Variants in PCDHGA8 observed in about 807,000 individuals in gnomAD.
PCDHGA8 encodes protocadherin gamma-A8.
PCDHGA8 carries 45 observed loss-of-function variants against 59.2 expected under a neutral mutation model. That is an observed-to-expected ratio of 0.76 (90% CI 0.60 to 0.98). PCDHGA8 has a LOEUF of 0.98. PCDHGA8 is among the 50% of genes least tolerant of loss of function. PCDHGA8 has a pLI of 0.00. For synonymous variants in PCDHGA8, 531 were observed against 519.0 expected (o/e 1.02, Z -0.32); for missense variants, 1,257 against 1,196.2 (o/e 1.05, Z -0.75).
At chr5:141,481,822 G>A (rs1017311512) in intron 1 of PCDHGA8, among the ~76,000 whole-genome samples, 12 of 151,620 alleles carry the variant, frequency 7.9e-5, no homozygotes, top group Non-Finnish European at 1.5e-4. Context: ...CGTGGTGGCT[G>A]AGGCAGGAGA....
In PCDHGA8 at chr5:141,432,598, G is replaced by A; in HGVS notation, c.2424+37361G>A. The A allele has an allele frequency of 6.2e-7, 1 of 1,613,920 alleles. No individual in the cohort carries two copies. The highest frequency in any genetic ancestry group is 8.5e-7 in the Non-Finnish European group (1 of 1,179,972). On this transcript the variant is annotated intron_variant, in intron 1 of 3. Transcript: ENST00000398604. The surrounding 1 kb of genome is among the most constrained non-coding windows in gnomAD (Gnocchi z 6.0). ...CCTACCGTCTGCTCAAGGCCAGCGA[G>A]CCGGGACTCTTCTCGGTGGGTCTGC...
chr5:141,454,998 G>C (rs909142112), intron 1 of PCDHGA8, among the ~76,000 whole-genome samples: 27 of 151,220 alleles, frequency 1.8e-4, no homozygotes, highest in African/African-American at 5.8e-4. Context: ...ATTTTTAGTA[G>C]AGACGGGGTT....
chr5:141,477,932 C>G lies in PCDHGA8; in HGVS notation c.2425-16875C>G, dbSNP rs1193822505. The G allele has an allele frequency of 3.1e-6, 5 of 1,614,040 alleles. No individual in the cohort carries two copies. The highest frequency in any genetic ancestry group is 4.2e-6 in the Non-Finnish European group (5 of 1,180,042). On this transcript the variant is annotated intron_variant, in intron 1 of 3. Transcript: ENST00000398604. This position sits in a 1 kb window ranked among gnomAD's most constrained non-coding sequence, Gnocchi z 4.9. ...CGCGGATGCAGGGCACAATGCCTGG[C>G]TCTCCTACAGTCTCTTGGGATCCCC... is the stretch of plus-strand genomic sequence containing the variant.
rs1427742903 is a variant in PCDHGA8 at position 141,477,916 on chromosome 5, A to G, written c.2425-16891A>G. On this transcript the variant is annotated intron_variant, in intron 1 of 3. Coordinates refer to ENST00000398604, the MANE Select transcript of PCDHGA8 (RefSeq NM_032088.2). This position sits in a 1 kb window ranked among gnomAD's most constrained non-coding sequence, Gnocchi z 4.9. ...GGGTGGTAGGCTGGGACGCGGATGC[A>G]GGGCACAATGCCTGGCTCTCCTACA... The G allele has an allele frequency of 1.2e-6, 2 of 1,614,042 alleles. No homozygotes were observed. The highest frequency in any genetic ancestry group is 2.7e-5 in the African/African-American group (2 of 74,932).
At chr5:141,430,384 A>G (rs547268242) in intron 1 of PCDHGA8, among the ~76,000 whole-genome samples, 32 of 122,116 alleles carry the variant, frequency 2.6e-4, no homozygotes, top group East Asian at 6.6e-4. Context: ...GCTCATTGGG[A>G]AAAAAAAAAA....
intron 3 of PCDHGA8, among the ~76,000 whole-genome samples, chr5:141,505,861 C>A (rs115699706): frequency 0.034 from 5,102 of 152,242 alleles, 131 homozygotes; most frequent in Admixed American, 0.057. Flanking sequence ...GGGACAGGGA[C>A]CCCAAAGGGT....
Position 141,395,110 on chromosome 5 carries a change from G to A in PCDHGA8, c.2297G>A (p.Ser766Asn), listed in dbSNP as rs2150602560. ...TCCCTCACCGCCGACTCGCGGAAGA[G>A]TCACCTGATCTTTCCCCAGCCCAAC... Reference protein sequence around the residue: ...EVSLTADSRKSHLIFPQPNYA... With the variant: ...EVSLTADSRKNHLIFPQPNYA... Residue 766 changes from serine to asparagine, a missense_variant, in exon 1 of 4, where the codon AGT becomes AAT. Ser to Asn is a conservative substitution (Grantham distance 46, BLOSUM62 1). Coordinates refer to ENST00000398604, the MANE Select transcript of PCDHGA8 (RefSeq NM_032088.2). 6.2e-7 allele frequency: 1 copy of A among 1,614,214 alleles called. No homozygotes were observed. The highest frequency in any genetic ancestry group is 1.7e-5 in the Admixed American group (1 of 60,026).
At chr5:141,428,124 C>G in intron 1 of PCDHGA8, 2 of 1,605,400 alleles carry the variant, frequency 1.2e-6, no homozygotes, top group Non-Finnish European at 1.7e-6. Flanking sequence ...CGAGCCCGGG[C>G]TTTTCAGCCT....
intron 1 of PCDHGA8, among the ~76,000 whole-genome samples, chr5:141,443,667 C>G (rs62379164): frequency 0.042 from 6,382 of 152,210 alleles, 168 homozygotes; most frequent in Middle Eastern, 0.088. Flanking sequence ...TTTTACTGAA[C>G]TAGTAGTTTA....
chr5:141,404,392 T>A, intron 1 of PCDHGA8: 1 of 1,613,938 alleles, frequency 6.2e-7, no homozygotes, highest in Non-Finnish European at 8.5e-7. Context: ...ATGACCCTGA[T>A]AGCAATGAGA....
intron 1 of PCDHGA8, among the ~76,000 whole-genome samples, chr5:141,401,115 G>C (rs923480761): frequency 5.9e-5 from 9 of 151,974 alleles, no homozygotes; most frequent in African/African-American, 1.7e-4. Context: ...AGGCCGAGGC[G>C]GTTGGATCAC....
chr5:141,458,873 C>T (rs1278498446), intron 1 of PCDHGA8, among the ~76,000 whole-genome samples: 2 of 152,148 alleles, frequency 1.3e-5, no homozygotes, highest in African/African-American at 4.8e-5. Context: ...GCTGGGACTA[C>T]AGGCATGCAC....
rs1004061582 is a variant in PCDHGA8, at chr5:141,477,406, A to C, written c.2425-17401A>C. ...AATACAACCTCAGCATCACCGCCCG[A>C]GACGCCGGAACCCCTTCCCTCTCAG... On this transcript the variant is annotated intron_variant, in intron 1 of 3. Transcript: ENST00000398604. The surrounding 1 kb of genome is among the most constrained non-coding windows in gnomAD (Gnocchi z 4.9). 6.2e-7 allele frequency: 1 copy of C among 1,614,036 alleles called. No homozygotes were observed. Among genetic ancestry groups the C allele is most frequent in the Admixed American group, 1.7e-5 (1 of 59,994 alleles).
chr5:141,421,400 G>A (rs2096569762), intron 1 of PCDHGA8: 1 of 1,614,060 alleles, frequency 6.2e-7, no homozygotes, highest in Non-Finnish European at 8.5e-7. Context: ...CTGGAGCCCC[G>A]GGAGCTGGCG....
In PCDHGA8 at chr5:141,431,777, G is replaced by T. The variant is rs151011884; in HGVS notation, c.2424+36540G>T. 5,401 of 1,614,186 alleles carry T rather than the reference G, an allele frequency of 3.3e-3. 6 individuals are homozygous for T. Among genetic ancestry groups the T allele is most frequent in the Non-Finnish European group, 4.2e-3 (4,899 of 1,180,002 alleles). On this transcript the variant is annotated intron_variant, in intron 1 of 3. Coordinates refer to ENST00000398604, the MANE Select transcript of PCDHGA8 (RefSeq NM_032088.2). The surrounding 1 kb of genome is among the most constrained non-coding windows in gnomAD (Gnocchi z 4.8). ...CAAAGTCCTGATCACTGTTCTGGAC[G>T]TGAACGACAATGCCCCAGAAGTGGT...
chr5:141,400,798 A>G (rs2094077333), intron 1 of PCDHGA8: 2 of 559,100 alleles, frequency 3.6e-6, no homozygotes, highest in Non-Finnish European at 6.3e-6. Flanking sequence ...TCTTTCTCAA[A>G]GCTAATGAAT....
At chr5:141,421,257 C>T (rs944057868) in intron 1 of PCDHGA8, 1 of 1,608,520 alleles carries the variant, frequency 6.2e-7, no homozygotes, top group African/African-American at 1.3e-5. Context: ...GCGGGGACCG[C>T]AGTCGGCTGC....
Position 141,394,702 on chromosome 5 carries a change from G to A in PCDHGA8, c.1889G>A (p.Arg630Gln), listed in dbSNP as rs1246576971. Residue 630 changes from arginine to glutamine, a missense_variant, in exon 1 of 4, where the codon CGA becomes CAA. By Grantham distance (43) the Arg-to-Gln change is conservative. Coordinates refer to ENST00000398604, the MANE Select transcript of PCDHGA8 (RefSeq NM_032088.2). Reference sequence around the variant, plus strand: ...CACACGGGCGAGGTGCGCACGGCGCGAGCCCTGCTGGACAGAGATGCGCTC... The same window carrying A: ...CACACGGGCGAGGTGCGCACGGCGCAAGCCCTGCTGGACAGAGATGCGCTC... ...GLHTGEVRTA[R>Q]ALLDRDALKQ... is the part of the protein sequence containing the mutation. 1.9e-5 allele frequency: 31 copies of A among 1,613,178 alleles called. No homozygotes were observed. Among genetic ancestry groups the A allele is most frequent in the Non-Finnish European group, 2.5e-5 (29 of 1,179,882 alleles).
Position 141,477,902 on chromosome 5 carries a change from T to A in PCDHGA8, c.2425-16905T>A. ...CCACCTAGTGTCACGGGTGGTAGGC[T>A]GGGACGCGGATGCAGGGCACAATGC... On this transcript the variant is annotated intron_variant, in intron 1 of 3. Transcript: ENST00000398604. The surrounding 1 kb of genome is among the most constrained non-coding windows in gnomAD (Gnocchi z 4.9). The A allele has an allele frequency of 6.2e-7, 1 of 1,614,176 alleles. No homozygotes were observed. Among genetic ancestry groups the A allele is most frequent in the Non-Finnish European group, 8.5e-7 (1 of 1,180,028 alleles).
Sources: allele counts gnomAD v4.1 joint callset (sites outside exome capture counted in the v4.1 genomes callset), GRCh38; gene constraint gnomAD v4.1.1; non-coding constraint Gnocchi (gnomAD v3.1); transcripts MANE v1.5; gene names NCBI Gene and HGNC (gene_info 2026-07-23, HGNC 2026-07-21).